Variants in MAF observed in about 807,000 individuals in gnomAD.
MAF encodes transcription factor Maf.
MAF carries 10 observed loss-of-function variants against 22.0 expected under a neutral mutation model. The observed-to-expected ratio is 0.45, with a 90% CI of 0.28 to 0.77. The LOEUF is 0.77. MAF is among the 30% of genes least tolerant of loss of function. The pLI, the probability that MAF is intolerant of heterozygous loss-of-function variation, is 0.12. For missense variants in MAF, 544 were observed against 548.4 expected, an observed-to-expected ratio of 0.99 and a Z score of 0.08; for synonymous variants, 337 against 255.8, an observed-to-expected ratio of 1.32 and a Z score of -3.03.
At chr16:79,304,388 C>A in the MAF span, among the ~76,000 whole-genome samples, 1 of 152,160 alleles carries the variant, frequency 6.6e-6, no homozygotes, top group Non-Finnish European at 1.5e-5. Flanking sequence ...TAATAACAGG[C>A]AGAAAGGAAA....
the MAF span, among the ~76,000 whole-genome samples, chr16:79,344,801 T>C: frequency 7.2e-5 from 11 of 152,348 alleles, no homozygotes; most frequent in East Asian, 1.7e-3. Context: ...GCTTCCAATA[T>C]TCTTGCTAAA....
At chr16:79,361,926 G>A in the MAF span, among the ~76,000 whole-genome samples, 23 of 152,322 alleles carry the variant, frequency 1.5e-4, no homozygotes, top group Middle Eastern at 3.4e-3. Context: ...TGGGTGGCAA[G>A]CATTTGACTA....
the MAF span, among the ~76,000 whole-genome samples, chr16:79,399,120 C>T: frequency 1.3e-5 from 2 of 152,140 alleles, no homozygotes; most frequent in South Asian, 2.1e-4. Context: ...GCTCCGTGGG[C>T]GTTGGAATGG....
At chr16:79,435,503 T>C in the MAF span, among the ~76,000 whole-genome samples, 1 of 152,226 alleles carries the variant, frequency 6.6e-6, no homozygotes, top group African/African-American at 2.4e-5. Context: ...AGACTTCATG[T>C]ACATTCAGTC....
At chr16:79,261,309 C>G in the MAF span, among the ~76,000 whole-genome samples, 3 of 151,942 alleles carry the variant, frequency 2.0e-5, no homozygotes, top group African/African-American at 7.2e-5. Flanking sequence ...CCTGCCACCA[C>G]GCCCAACTAA....
chr16:79,550,434 G>A, the MAF span, among the ~76,000 whole-genome samples: 2 of 152,052 alleles, frequency 1.3e-5, no homozygotes, highest in Non-Finnish European at 2.9e-5. Flanking sequence ...AGTCAGCTGA[G>A]TCTCCATCAC....
At chr16:79,507,685 A>G in the MAF span, among the ~76,000 whole-genome samples, 1 of 152,188 alleles carries the variant, frequency 6.6e-6, no homozygotes, top group Admixed American at 6.5e-5. Context: ...TCGGTCTCCC[A>G]AAGTGCTGGT....
At chr16:79,478,984 C>T in the MAF span, among the ~76,000 whole-genome samples, 4 of 152,140 alleles carry the variant, frequency 2.6e-5, no homozygotes, top group African/African-American at 4.8e-5. Flanking sequence ...ACCACCTCAG[C>T]ATACCTGTAT....
At chr16:79,230,924 C>T in the MAF span, among the ~76,000 whole-genome samples, 2,831 of 152,144 alleles carry the variant, frequency 0.019, 61 homozygotes, top group Non-Finnish European at 0.029. Context: ...GGGCTGCATA[C>T]GCTAATATTT....
the MAF span, among the ~76,000 whole-genome samples, chr16:79,324,867 G>A: frequency 1.3e-5 from 2 of 152,054 alleles, no homozygotes; most frequent in African/African-American, 4.8e-5. Flanking sequence ...TAAGCAAGGT[G>A]TCAGCAGGAT....
chr16:79,491,226 G>T, the MAF span, among the ~76,000 whole-genome samples: 2 of 152,142 alleles, frequency 1.3e-5, no homozygotes, highest in African/African-American at 2.4e-5. Context: ...CAGACTCAAA[G>T]GCACATCAGT....
chr16:79,336,762 T>C, the MAF span, among the ~76,000 whole-genome samples: 1 of 152,234 alleles, frequency 6.6e-6, no homozygotes, highest in Non-Finnish European at 1.5e-5. Context: ...TTTTGCATTT[T>C]CTTTTCTTCT....
chr16:79,463,269 C>A, the MAF span, among the ~76,000 whole-genome samples: 1 of 152,140 alleles, frequency 6.6e-6, no homozygotes, highest in Non-Finnish European at 1.5e-5. Flanking sequence ...TGGGCTTTCA[C>A]CCCCACACAC....
the MAF span, among the ~76,000 whole-genome samples, chr16:79,354,447 C>A: frequency 1.2e-3 from 184 of 152,244 alleles, 2 homozygotes; most frequent in African/African-American, 3.6e-3. Context: ...CCACATGTAC[C>A]TTTCGGCCAT....
At chr16:79,429,778 A>T in the MAF span, among the ~76,000 whole-genome samples, 58 of 152,274 alleles carry the variant, frequency 3.8e-4, no homozygotes, top group African/African-American at 1.3e-3. Context: ...CTATCCAGAC[A>T]GTTTATTGGA....
chr16:79,323,730 G>A, the MAF span, among the ~76,000 whole-genome samples: 2 of 152,182 alleles, frequency 1.3e-5, no homozygotes, highest in Non-Finnish European at 2.9e-5. Flanking sequence ...CTCACACCGG[G>A]CATCTGAGAG....
the MAF span, among the ~76,000 whole-genome samples, chr16:79,345,787 A>G: frequency 8.9e-5 from 13 of 146,142 alleles, no homozygotes; most frequent in African/African-American, 2.7e-4. Flanking sequence ...TCTCTATAGT[A>G]TTCCATTTTA....
At chr16:79,478,032 G>C in the MAF span, among the ~76,000 whole-genome samples, 1 of 152,090 alleles carries the variant, frequency 6.6e-6, no homozygotes, top group Non-Finnish European at 1.5e-5. Flanking sequence ...TGACTTTTAA[G>C]GTAATAAACA....
At chr16:79,582,962 T>G (rs574456836), downstream of MAF, among the ~76,000 whole-genome samples, 2 of 152,356 alleles carry the variant, frequency 1.3e-5, no homozygotes, top group African/African-American at 4.8e-5. Flanking sequence ...GAACTCACAG[T>G]GTTGGTTTTC....
Sources: gnomAD v4.1 joint callset for allele counts (sites outside exome capture counted in the v4.1 genomes callset) on GRCh38, gnomAD v4.1.1 for gene constraint, MANE v1.5 for transcripts, NCBI Gene and HGNC (gene_info 2026-07-23, HGNC 2026-07-21) for gene names.